Variants in NUP210L observed in about 807,000 individuals in gnomAD.
NUP210L encodes the protein nucleoporin 210 like.
NUP210L carries 74 observed loss-of-function variants against 208.5 expected under a neutral mutation model. That is an observed-to-expected ratio of 0.35 (90% CI 0.29 to 0.43). The LOEUF is 0.43. Among genes scored for constraint, NUP210L ranks in the 20% least tolerant of loss-of-function variants. NUP210L has a pLI of 1.00. For synonymous variants in NUP210L, 780 were observed against 816.9 expected (o/e 0.95, Z 0.77); for missense variants, 1,843 against 2,289.4 (o/e 0.81, Z 3.98).
At chr1:154,125,458 A>T (rs1657841200) in intron 10 of NUP210L, among the ~76,000 whole-genome samples, 1 of 149,204 alleles carries the variant, frequency 6.7e-6, no homozygotes, top group Non-Finnish European at 1.5e-5. Flanking sequence ...TCGAAAAACT[A>T]AACAAAAACA....
intron 17 of NUP210L, among the ~76,000 whole-genome samples, chr1:154,066,007 A>G (rs1220558785): frequency 6.6e-5 from 10 of 151,996 alleles, no homozygotes; most frequent in African/African-American, 2.4e-4. Flanking sequence ...AAACTGAACA[A>G]CCTGCTCCTG....
intron 32 of NUP210L, among the ~76,000 whole-genome samples, chr1:154,019,502 T>A (rs752253976): frequency 5.9e-5 from 9 of 152,204 alleles, no homozygotes; most frequent in Admixed American, 3.3e-4. Flanking sequence ...AAATACTGGG[T>A]TAGAGTTTGT....
intron 15 of NUP210L, among the ~76,000 whole-genome samples, chr1:154,093,123 A>G (rs2148051315): frequency 6.6e-6 from 1 of 152,300 alleles, no homozygotes; most frequent in Admixed American, 6.5e-5. Context: ...ACATTTTAAA[A>G]AAATGATTAA....
intron 28 of NUP210L, among the ~76,000 whole-genome samples, chr1:154,028,556 C>T (rs1652031763): frequency 6.6e-6 from 1 of 152,080 alleles, no homozygotes; most frequent in African/African-American, 2.4e-5. Flanking sequence ...TACTGCACTC[C>T]AGCCTAAGCA....
At chr1:154,084,741 G>A (rs989693854) in intron 16 of NUP210L, among the ~76,000 whole-genome samples, 25 of 151,162 alleles carry the variant, frequency 1.7e-4, no homozygotes, top group Admixed American at 3.3e-4. Context: ...CCAAAGTGCT[G>A]GGATTACAAG....
chr1:154,126,265 A>T, intron 10 of NUP210L, 58 bp downstream of exon 10: 1 of 1,479,538 alleles, frequency 6.8e-7, no homozygotes, highest in Non-Finnish European at 9.2e-7. Flanking sequence ...CAAATCAACA[A>T]GTCAGCCAAG....
intron 10 of NUP210L, among the ~76,000 whole-genome samples, chr1:154,124,399 G>C (rs561477776): frequency 6.6e-4 from 100 of 152,176 alleles, no homozygotes; most frequent in African/African-American, 2.3e-3. Flanking sequence ...GAGGAAAGCA[G>C]GTTTGGCAGG....
chr1:154,094,088 C>A (rs2148052849), intron 15 of NUP210L, among the ~76,000 whole-genome samples: 1 of 152,194 alleles, frequency 6.6e-6, no homozygotes, highest in East Asian at 1.9e-4. Flanking sequence ...TTGAGACCAG[C>A]CTGACCAACA....
intron 17 of NUP210L, among the ~76,000 whole-genome samples, chr1:154,063,953 A>ATT (rs916428196): frequency 2.6e-4 from 39 of 150,042 alleles, no homozygotes; most frequent in African/African-American, 8.3e-4. Flanking sequence ...AAGTACATAT[A>ATT]TTATATATAT....
chr1:154,126,528 C>A, intron 9 of NUP210L, 65 bp from the exon 10 acceptor site: 1 of 1,379,720 alleles, frequency 7.2e-7, no homozygotes, highest in Non-Finnish European at 9.9e-7. Context: ...TCATCTTAAT[C>A]CCAAAGCATC....
chr1:154,077,181 C>G (rs1655082256), intron 16 of NUP210L, among the ~76,000 whole-genome samples: 1 of 151,920 alleles, frequency 6.6e-6, no homozygotes, highest in Non-Finnish European at 1.5e-5. Flanking sequence ...TTGAGACCAG[C>G]CTGGGCAGCA....
intron 10 of NUP210L, among the ~76,000 whole-genome samples, chr1:154,124,820 C>T (rs1242838831): frequency 1.3e-5 from 2 of 152,128 alleles, no homozygotes; most frequent in Non-Finnish European, 1.5e-5. Flanking sequence ...GGTGTGGTGG[C>T]ACACGCCTGT....
chr1:153,997,255 C>T (rs1430931590), intron 37 of NUP210L, among the ~76,000 whole-genome samples: 3 of 138,482 alleles, frequency 2.2e-5, no homozygotes, highest in African/African-American at 5.0e-5. Flanking sequence ...TGAGCCATCG[C>T]GCTGGCCTTT....
At chr1:154,067,498 C>A (rs954469190) in intron 17 of NUP210L, among the ~76,000 whole-genome samples, 4 of 151,990 alleles carry the variant, frequency 2.6e-5, no homozygotes, top group Admixed American at 2.6e-4. Flanking sequence ...TACTGAAATG[C>A]GCAAAAACTG....
intron 15 of NUP210L, among the ~76,000 whole-genome samples, 200 bp downstream of exon 15, chr1:154,094,735 C>G (rs1656100394): frequency 6.6e-6 from 1 of 152,076 alleles, no homozygotes; most frequent in Non-Finnish European, 1.5e-5. Flanking sequence ...TGCTGGAATT[C>G]TTGGATGAGC....
chr1:154,133,702 G>A (rs990996741), intron 7 of NUP210L, among the ~76,000 whole-genome samples: 1 of 151,790 alleles, frequency 6.6e-6, no homozygotes. Flanking sequence ...TTAGCTGGGC[G>A]TGGTGGCACG....
At chr1:154,131,470 T>C (rs1313481138) in intron 7 of NUP210L, among the ~76,000 whole-genome samples, 1 of 152,146 alleles carries the variant, frequency 6.6e-6, no homozygotes. Flanking sequence ...TCAGAAAACA[T>C]GCTCCATCAA....
intron 37 of NUP210L, among the ~76,000 whole-genome samples, chr1:153,998,708 C>CTTT (rs34457474): frequency 1.3e-4 from 14 of 109,816 alleles, no homozygotes; most frequent in East Asian, 3.1e-4. Flanking sequence ...TCTAGAGATC[C>CTTT]TTTTTTTTTT....
intron 33 of NUP210L, among the ~76,000 whole-genome samples, chr1:154,018,343 CTT>C (rs1423603319): frequency 1.3e-5 from 2 of 152,072 alleles, no homozygotes; most frequent in Admixed American, 1.3e-4. Flanking sequence ...GACTCCCAGA[CTT>C]TTATATCCAG....
Sources: gnomAD v4.1 joint callset for allele counts (sites outside exome capture counted in the v4.1 genomes callset) on GRCh38, gnomAD v4.1.1 for gene constraint, MANE v1.5 for transcripts, NCBI Gene and HGNC (gene_info 2026-07-23, HGNC 2026-07-21) for gene names.